Variants in LIPK observed in about 807,000 individuals in gnomAD.
LIPK encodes lipase member K.
A neutral mutation model predicts 48.6 loss-of-function variants in LIPK; 32 were observed. The observed-to-expected ratio is 0.66, with a 90% CI of 0.50 to 0.88. LIPK has a LOEUF of 0.88. Among genes scored for constraint, LIPK ranks in the 40% least tolerant of loss-of-function variants. The pLI is 0.00. For synonymous variants in LIPK, 164 were observed against 157.4 expected (o/e 1.04, Z -0.32); for missense variants, 507 against 478.5 (o/e 1.06, Z -0.56).
intron 9 of LIPK, among the ~76,000 whole-genome samples, chr10:88,748,344 A>G (rs1171501568): frequency 1.3e-5 from 2 of 152,142 alleles, no homozygotes; most frequent in Non-Finnish European, 2.9e-5. Flanking sequence ...ATGTACACCT[A>G]TGTAACAAAC....
chr10:88,741,656 T>C (rs1373933262), intron 8 of LIPK, among the ~76,000 whole-genome samples: 1 of 152,160 alleles, frequency 6.6e-6, no homozygotes, highest in Admixed American at 6.5e-5. Context: ...ATAAGTTACA[T>C]AGGCAGCTAA....
Position 88,727,798 on chromosome 10 carries a change from C to T in LIPK, c.223+886C>T. On this transcript the variant is annotated intron_variant, in intron 3 of 9. Transcript: ENST00000404190. ...ATCCCAACATCCATGCTGTGAACAC[C>T]CAGGAGAAGAAGCAGATCAAGACCC... The T allele has an allele frequency of 9.3e-6, 3 of 323,556 alleles. No individual in the cohort carries two copies. The East Asian group carries it at 2.4e-4, about 26-fold the overall frequency. The allele number at this position is 323,556 out of a possible 1,614,324, so 20.0% of individuals were successfully genotyped here.
At chr10:88,713,366 T>C (rs1462941157) in intron 1 of LIPK, among the ~76,000 whole-genome samples, 1 of 147,436 alleles carries the variant, frequency 6.8e-6, no homozygotes, top group Non-Finnish European at 1.5e-5. Flanking sequence ...ATTATAGCTG[T>C]TATTGTCCTA....
At chr10:88,728,617 TG>T in intron 3 of LIPK, 1 of 485,434 alleles carries the variant, frequency 2.1e-6, no homozygotes, top group Non-Finnish European at 4.1e-6. Flanking sequence ...AAGCTGGCCT[TG>T]GGCATCGAGA....
chr10:88,728,775 A>C, intron 3 of LIPK: 2 of 214,058 alleles, frequency 9.3e-6, no homozygotes, highest in Non-Finnish European at 1.9e-5. Flanking sequence ...TATGGCCTGG[A>C]CTTCTTCCAG....
At chr10:88,736,176 G>A (rs945974801) in intron 6 of LIPK, among the ~76,000 whole-genome samples, 1 of 151,808 alleles carries the variant, frequency 6.6e-6, no homozygotes, top group African/African-American at 2.4e-5. Flanking sequence ...GAGAGGGAGA[G>A]AAGACAGAAG....
At chr10:88,716,163 T>C (rs1421307725) in intron 1 of LIPK, among the ~76,000 whole-genome samples, 1 of 152,092 alleles carries the variant, frequency 6.6e-6, no homozygotes, top group Non-Finnish European at 1.5e-5. Context: ...TATAATGATA[T>C]AAGATATTAG....
intron 1 of LIPK, among the ~76,000 whole-genome samples, chr10:88,712,749 G>T (rs1408107588): frequency 6.6e-6 from 1 of 152,096 alleles, no homozygotes; most frequent in Non-Finnish European, 1.5e-5. Context: ...TTTCTTCAGA[G>T]AACAGTCCTA....
At chr10:88,724,719 G>A in intron 2 of LIPK, 71 bp downstream of exon 2, 1 of 1,068,170 alleles carries the variant, frequency 9.4e-7, no homozygotes, top group African/African-American at 1.6e-5. Context: ...AGATACAACT[G>A]GTGTGCCTTC....
chr10:88,724,548 G>T lies in LIPK; in HGVS notation c.5G>T (p.Trp2Leu). 1 of 1,599,690 alleles carries T rather than the reference G, an allele frequency of 6.3e-7. No individual in the cohort carries two copies. Among genetic ancestry groups the T allele is most frequent in the South Asian group, 1.1e-5 (1 of 87,568 alleles). Residue 2 changes from tryptophan to leucine, a missense_variant, in exon 2 of 10, where the codon TGG becomes TTG. Physicochemically the swap from Trp to Leu is moderately conservative, Grantham distance 61 (BLOSUM62 -2). Coordinates refer to ENST00000404190, the MANE Select transcript of LIPK (RefSeq NM_001080518.2). M[W>L]QLLAAACWML... Reference sequence around the variant, plus strand: ...CCTTTCCTAGGCAGATCCCAAATGTGGCAGCTTTTAGCAGCAGCATGCTGG... The same window carrying T: ...CCTTTCCTAGGCAGATCCCAAATGTTGCAGCTTTTAGCAGCAGCATGCTGG...
chr10:88,747,245 C>T (rs1456917141), intron 9 of LIPK, among the ~76,000 whole-genome samples: 2 of 152,186 alleles, frequency 1.3e-5, no homozygotes, highest in African/African-American at 4.8e-5. Context: ...AGGAGGGACT[C>T]TTCTCTAACT....
intron 1 of LIPK, among the ~76,000 whole-genome samples, chr10:88,720,522 A>G (rs543597225): frequency 2.4e-4 from 37 of 152,314 alleles, no homozygotes; most frequent in African/African-American, 8.2e-4. Context: ...AATCCAAAAT[A>G]AAATTTTTAA....
At chr10:88,714,483 T>G (rs1842080570) in intron 1 of LIPK, among the ~76,000 whole-genome samples, 1 of 152,148 alleles carries the variant, frequency 6.6e-6, no homozygotes, top group African/African-American at 2.4e-5. Flanking sequence ...CTTCCGCATA[T>G]TAGATAGGAT....
intron 1 of LIPK, among the ~76,000 whole-genome samples, chr10:88,716,651 C>A (rs1842125647): frequency 6.6e-6 from 1 of 152,086 alleles, no homozygotes; most frequent in African/African-American, 2.4e-5. Context: ...GCCACTGAGC[C>A]TGGCCAGAAT....
chr10:88,734,782 T>C (rs1455539309), intron 6 of LIPK, among the ~76,000 whole-genome samples: 1 of 151,944 alleles, frequency 6.6e-6, no homozygotes, highest in African/African-American at 2.4e-5. Flanking sequence ...GGAACAAGAG[T>C]TGTGCAACAA....
At chr10:88,750,431 A>T (rs1194569600) in intron 9 of LIPK, among the ~76,000 whole-genome samples, 17 of 152,214 alleles carry the variant, frequency 1.1e-4, no homozygotes, top group Non-Finnish European at 1.8e-4. Context: ...TGAATAAAGA[A>T]AATGTGGTAC....
At chr10:88,720,892 T>C (rs1283889184) in intron 1 of LIPK, among the ~76,000 whole-genome samples, 1 of 151,856 alleles carries the variant, frequency 6.6e-6, no homozygotes, top group Non-Finnish European at 1.5e-5. Context: ...GATAAATCAA[T>C]AAAATCTATT....
chr10:88,720,073 G>A (rs1842193874), intron 1 of LIPK, among the ~76,000 whole-genome samples: 1 of 152,120 alleles, frequency 6.6e-6, no homozygotes, highest in Non-Finnish European at 1.5e-5. Flanking sequence ...GCAGGGAGCG[G>A]ACAAAAAGCA....
At chr10:88,720,768 A>G (rs987226536) in intron 1 of LIPK, among the ~76,000 whole-genome samples, 1 of 152,062 alleles carries the variant, frequency 6.6e-6, no homozygotes, top group African/African-American at 2.4e-5. Context: ...TATATATAAT[A>G]TGTACACATA....
Sources: allele counts gnomAD v4.1 joint callset (sites outside exome capture counted in the v4.1 genomes callset), GRCh38; gene constraint gnomAD v4.1.1; transcripts MANE v1.5; gene names NCBI Gene and HGNC (gene_info 2026-07-23, HGNC 2026-07-21).